XKR4: variants seen among roughly 807,000 people sequenced by gnomAD.
The protein encoded by XKR4 is XK-related protein 4.
XKR4 carries 12 observed loss-of-function variants against 53.9 expected under a neutral mutation model. That is an observed-to-expected ratio of 0.22 (90% CI 0.14 to 0.36). XKR4 has a LOEUF of 0.36. Ranked by LOEUF, XKR4 falls within the 10% of genes least tolerant of loss-of-function variation. The pLI is 1.00. For synonymous variants in XKR4, 354 were observed against 362.4 expected, an observed-to-expected ratio of 0.98 and a Z score of 0.26; for missense variants, 799 against 859.5, an observed-to-expected ratio of 0.93 and a Z score of 0.88.
At chr8:55,461,935 A>G (rs1466295628) in intron 2 of XKR4, among the ~76,000 whole-genome samples, 1 of 152,210 alleles carries the variant, frequency 6.6e-6, no homozygotes, top group Non-Finnish European at 1.5e-5. Context: ...AAAAGAATAC[A>G]AAGAAACAAA....
At chr8:55,325,882 T>A (rs1803285374) in intron 1 of XKR4, among the ~76,000 whole-genome samples, 1 of 152,192 alleles carries the variant, frequency 6.6e-6, no homozygotes, top group Non-Finnish European at 1.5e-5. Context: ...TCTAAGAAAT[T>A]GATATATAGT....
chr8:55,403,506 A>T (rs1025815306), intron 2 of XKR4, among the ~76,000 whole-genome samples: 1 of 152,258 alleles, frequency 6.6e-6, no homozygotes, highest in African/African-American at 2.4e-5. Flanking sequence ...ATATCACCCG[A>T]ATGCAGACAA....
chr8:55,476,701 C>T lies in XKR4; in HGVS notation c.1007-46580C>T, dbSNP rs10958458. On this transcript the variant is annotated intron_variant, in intron 2 of 2. Coordinates refer to ENST00000327381, the MANE Select transcript of XKR4 (RefSeq NM_052898.2). ...TCAGGTCACTCCCACCCTAATACTG[C>T]GCTTTTCCAACAGGCTTAAAAAATG... Among the ~76,000 whole-genome samples the T allele has an allele frequency of 5.9e-5, 9 of 151,990 alleles. No individual in the cohort carries two copies. The East Asian group carries it at 7.7e-4, about 13-fold the overall frequency.
intron 1 of XKR4, among the ~76,000 whole-genome samples, chr8:55,347,418 C>A (rs1370940465): frequency 6.6e-6 from 1 of 152,154 alleles, no homozygotes. Flanking sequence ...TGTGTGTTTT[C>A]ATGCACATCT....
Position 55,272,202 on chromosome 8 carries a change from A to G in XKR4, c.807-85476A>G, listed in dbSNP as rs192278342. 2.8e-4 allele frequency among the ~76,000 whole-genome samples: 43 copies of G among 152,350 alleles called. 1 individual carries two copies. The South Asian group carries it at 5.4e-3, about 19-fold the overall frequency. On this transcript the variant is annotated intron_variant, in intron 1 of 2. Transcript: ENST00000327381. ...ACTGAAGTGGCTAGGGCTTCTTCATACAGGCATAGATCAAGCTCCATTGCT... is the reference window on the plus strand; with the variant it reads ...ACTGAAGTGGCTAGGGCTTCTTCATGCAGGCATAGATCAAGCTCCATTGCT...
intron 1 of XKR4, among the ~76,000 whole-genome samples, chr8:55,166,501 A>C (rs965875935): frequency 1.3e-5 from 2 of 152,264 alleles, no homozygotes; most frequent in Non-Finnish European, 2.9e-5. Flanking sequence ...ACAATAGACA[A>C]AAGTGTCTGC....
intron 1 of XKR4, among the ~76,000 whole-genome samples, chr8:55,155,614 C>A (rs1585908878): frequency 1.5e-5 from 2 of 135,676 alleles, no homozygotes. Flanking sequence ...GAAAGTAGAA[C>A]AAAAAGATAA....
rs557480440 is a variant in XKR4 at position 55,120,371 on chromosome 8, G to T, written c.806+17077G>T. Among the ~76,000 whole-genome samples the T allele has an allele frequency of 7.4e-4, 112 of 152,008 alleles. 1 individual carries two copies. The highest frequency in any genetic ancestry group is 1.1e-3 in the Non-Finnish European group (78 of 67,998). Reference sequence around the variant, plus strand: ...GAACTTCTGTTTGTTTTATAGGCGGGTGAACTCCACCCTGGAAAGACCTCT... The same window carrying T: ...GAACTTCTGTTTGTTTTATAGGCGGTTGAACTCCACCCTGGAAAGACCTCT... On this transcript the variant is annotated intron_variant, in intron 1 of 2. Transcript: ENST00000327381.
intron 1 of XKR4, among the ~76,000 whole-genome samples, chr8:55,115,138 C>T (rs1039401317): frequency 1.3e-5 from 2 of 152,082 alleles, no homozygotes; most frequent in Non-Finnish European, 2.9e-5. Context: ...TAGCAAGATG[C>T]CCAGGTGATT....
intron 2 of XKR4, among the ~76,000 whole-genome samples, chr8:55,464,153 G>A (rs1310991451): frequency 6.6e-6 from 1 of 152,100 alleles, no homozygotes; most frequent in Admixed American, 6.6e-5. Context: ...TGATACCAAA[G>A]CCTGGCAGAG....
At chr8:55,196,211 C>CGCTCTT (rs1817505683) in intron 1 of XKR4, among the ~76,000 whole-genome samples, 3 of 117,446 alleles carry the variant, frequency 2.6e-5, no homozygotes, top group Middle Eastern at 8.6e-3. Flanking sequence ...GATGGAGTTT[C>CGCTCTT]GCTCTTGTTG....
At position 55,523,490 on chromosome 8, in the gene XKR4, G is replaced by A. The variant is rs769175965; in HGVS notation, c.1216G>A (p.Val406Ile). The A allele has an allele frequency of 2.6e-5, 42 of 1,614,044 alleles. No individual in the cohort carries two copies. Among genetic ancestry groups the A allele is most frequent in the Non-Finnish European group, 3.4e-5 (40 of 1,180,036 alleles). ...CCAGCTGTACTTTGGGATCTTCATC[G>A]TCCTTCACTGGTGCATCATGACCTT... ...VFQLYFGIFI[V>I]LHWCIMTFWI... The change falls in exon 3 of 3, where the codon GTC (valine) becomes ATC (isoleucine). Residue 406 changes from valine (V) to isoleucine (I), a missense_variant. Val to Ile is a conservative substitution (Grantham distance 29, BLOSUM62 3). Transcript: ENST00000327381.
intron 1 of XKR4, among the ~76,000 whole-genome samples, chr8:55,299,384 G>C (rs1295373890): frequency 6.6e-6 from 1 of 152,176 alleles, no homozygotes; most frequent in Non-Finnish European, 1.5e-5. Context: ...GAAGGGCTGA[G>C]GGAGAAGCCA....
At chr8:55,351,710 T>C (rs563222472) in intron 1 of XKR4, among the ~76,000 whole-genome samples, 18 of 152,320 alleles carry the variant, frequency 1.2e-4, no homozygotes, top group African/African-American at 4.3e-4. Flanking sequence ...ACAGCCAACA[T>C]CACTGGCCCC....
At chr8:55,113,891 A>C (rs1563459566) in intron 1 of XKR4, among the ~76,000 whole-genome samples, 2 of 152,302 alleles carry the variant, frequency 1.3e-5, no homozygotes, top group East Asian at 3.9e-4. Flanking sequence ...CAGTTGCTGC[A>C]AAAGTCATGA....
chr8:55,248,753 C>CT (rs537561135), intron 1 of XKR4, among the ~76,000 whole-genome samples: 5 of 151,564 alleles, frequency 3.3e-5, no homozygotes, highest in African/African-American at 9.7e-5. Context: ...GTAAGTTAAA[C>CT]TTTTTTTTTC....
In XKR4 at chr8:55,495,067, C is replaced by T. The variant is rs116353001; in HGVS notation, c.1007-28214C>T. 6.1e-3 allele frequency among the ~76,000 whole-genome samples: 929 copies of T among 152,276 alleles called. 10 individuals are homozygous for T. The highest frequency in any genetic ancestry group is 0.019 in the African/African-American group (785 of 41,564). On this transcript the variant is annotated intron_variant, in intron 2 of 2. Transcript: ENST00000327381. ...CAATACCTGCTTGGCCTCCCTCCCA[C>T]GCTTGTCAGTGCCCAAAGTCCAGAG...
intron 2 of XKR4, among the ~76,000 whole-genome samples, chr8:55,375,184 G>A (rs1252736374): frequency 3.9e-5 from 6 of 152,174 alleles, no homozygotes; most frequent in African/African-American, 1.4e-4. Flanking sequence ...TGGCTTTTCT[G>A]ATTGGAAAAT....
chr8:55,355,834 A>T (rs1803790407), intron 1 of XKR4, among the ~76,000 whole-genome samples: 3 of 152,192 alleles, frequency 2.0e-5, no homozygotes, highest in Admixed American at 6.5e-5. Flanking sequence ...CTGCACCTGC[A>T]CTTCCTTGCT....
Sources: gnomAD v4.1 joint callset for allele counts (sites outside exome capture counted in the v4.1 genomes callset) on GRCh38, gnomAD v4.1.1 for gene constraint, MANE v1.5 for transcripts, NCBI Gene and HGNC (gene_info 2026-07-23, HGNC 2026-07-21) for gene names.